The following ZCWPW2 variants were observed in gnomAD, a reference collection of about 807,000 sequenced individuals.
ZCWPW2 encodes zinc finger CW-type PWWP domain protein 2.
Under a neutral mutation model 46.6 loss-of-function variants are expected in ZCWPW2, and 45 were observed. That is an observed-to-expected ratio of 0.96 (90% confidence interval 0.76 to 1.24). The LOEUF (loss-of-function observed/expected upper bound fraction) is 1.24, where lower values mean the gene tolerates loss of function less well. Ranked by LOEUF, ZCWPW2 falls within the 50% of genes most tolerant of loss-of-function variation. ZCWPW2 has a pLI of 0.00. For synonymous variants in ZCWPW2, 152 were observed against 137.1 expected (o/e 1.11, Z -0.76); for missense variants, 429 against 403.9 (o/e 1.06, Z -0.53).
intron 2 of ZCWPW2, among the ~76,000 whole-genome samples, chr3:28,405,583 C>G (rs1240958672): frequency 1.3e-5 from 2 of 152,122 alleles, no homozygotes; most frequent in Non-Finnish European, 2.9e-5. Context: ...TCAAGTGATT[C>G]TCCTGCCTCA....
chr3:28,413,011 C>G, intron 2 of ZCWPW2, 45 bp from the exon 3 acceptor site: 1 of 1,483,916 alleles, frequency 6.7e-7, no homozygotes, highest in Non-Finnish European at 9.1e-7. Flanking sequence ...TCTCCTTATA[C>G]TCTTGAATCC....
At chr3:28,440,945 C>T (rs929260254) in intron 4 of ZCWPW2, among the ~76,000 whole-genome samples, 20 of 152,162 alleles carry the variant, frequency 1.3e-4, no homozygotes, top group Admixed American at 8.5e-4. Context: ...GGTGCCATAT[C>T]GAAGACTCAG....
chr3:28,453,833 T>TTA (rs1165047538), intron 4 of ZCWPW2, among the ~76,000 whole-genome samples: 1 of 143,236 alleles, frequency 7.0e-6, no homozygotes, highest in African/African-American at 2.7e-5. Flanking sequence ...ATTTATTTAT[T>TTA]TTTATTTTTT....
In ZCWPW2 at chr3:28,445,525, A is replaced by G. The variant is rs142198333; in HGVS notation, c.492+10256A>G. Among the ~76,000 whole-genome samples the G allele has an allele frequency of 4.2e-3, 644 of 152,276 alleles. 10 individuals carry two copies. The highest frequency in any genetic ancestry group is 0.015 in the African/African-American group (620 of 41,572). ...TTAGGATGTAATCCTCGTGTTAAAC[A>G]CAAAGAAAACAGCTATAGAATATAT... On this transcript the variant is annotated intron_variant, in intron 4 of 9. Coordinates refer to ENST00000383768, the MANE Select transcript of ZCWPW2 (RefSeq NM_001040432.4).
chr3:28,361,993 C>T (rs1294879124), intron 1 of ZCWPW2, among the ~76,000 whole-genome samples: 1 of 151,810 alleles, frequency 6.6e-6, no homozygotes. Context: ...AGTGGAACTG[C>T]CTTGTAATCC....
In ZCWPW2 at chr3:28,524,585, A is replaced by G. The variant is rs1189071468; in HGVS notation, c.968A>G (p.Glu323Gly). 5.0e-6 allele frequency: 8 copies of G among 1,609,320 alleles called. No individual in the cohort carries two copies. The East Asian group carries it at 1.8e-4, about 36-fold the overall frequency. The part of the protein sequence containing the change: ...AGSLFENHYE[E>G]DYLVIDGIKL... Reference sequence around the variant, plus strand: ...AGTCTGTTTGAAAACCACTATGAAGAGGACTATCTTGTAATTGATGGGATA... The same window carrying G: ...AGTCTGTTTGAAAACCACTATGAAGGGGACTATCTTGTAATTGATGGGATA... The change falls in exon 10 of 10, where the codon GAG (glutamate) becomes GGG (glycine). Residue 323 changes from glutamate (E) to glycine (G), a missense_variant. Coordinates refer to ENST00000383768, the MANE Select transcript of ZCWPW2 (RefSeq NM_001040432.4).
At chr3:28,424,826 A>G (rs1349562355) in intron 3 of ZCWPW2, among the ~76,000 whole-genome samples, 2 of 152,190 alleles carry the variant, frequency 1.3e-5, no homozygotes, top group Admixed American at 6.5e-5. Context: ...ATTAGCTTCC[A>G]TGTGATAATT....
At position 28,525,927 on chromosome 3, in the gene ZCWPW2, T is replaced by C. The variant is rs940760813; in HGVS notation, c.*1239T>C. On this transcript the variant is annotated 3_prime_UTR_variant, in exon 10 of 10. Coordinates refer to ENST00000383768, the MANE Select transcript of ZCWPW2 (RefSeq NM_001040432.4). ...CTGGGTTCATATTTTACATACTAGC[T>C]TGTCTTAAGTCATATAACCAGTAAA... 2.0e-5 allele frequency among the ~76,000 whole-genome samples: 3 copies of C among 152,168 alleles called. No individual in the cohort carries two copies. The highest frequency in any genetic ancestry group is 7.2e-5 in the African/African-American group (3 of 41,446).
At chr3:28,485,435 G>T (rs1446512607) in intron 5 of ZCWPW2, among the ~76,000 whole-genome samples, 2 of 152,144 alleles carry the variant, frequency 1.3e-5, no homozygotes, top group African/African-American at 4.8e-5. Flanking sequence ...TGGTGCTTTT[G>T]AGTGCAACTG....
At chr3:28,440,907 AG>A (rs1697727629) in intron 4 of ZCWPW2, among the ~76,000 whole-genome samples, 1 of 152,186 alleles carries the variant, frequency 6.6e-6, no homozygotes, top group African/African-American at 2.4e-5. Flanking sequence ...ACTAGCTACC[AG>A]GTAGCTGGCT....
At chr3:28,361,081 G>C (rs1448374569) in intron 1 of ZCWPW2, among the ~76,000 whole-genome samples, 1 of 151,968 alleles carries the variant, frequency 6.6e-6, no homozygotes, top group Non-Finnish European at 1.5e-5. Context: ...TGTATATACA[G>C]ATATTCTAAA....
At chr3:28,374,330 A>T (rs1484392707) in intron 1 of ZCWPW2, among the ~76,000 whole-genome samples, 2 of 152,042 alleles carry the variant, frequency 1.3e-5, no homozygotes, top group African/African-American at 4.8e-5. Context: ...TGTGTTCTCT[A>T]TTCTGTTTAA....
chr3:28,350,896 A>G (rs912129623), intron 1 of ZCWPW2, among the ~76,000 whole-genome samples: 1 of 151,854 alleles, frequency 6.6e-6, no homozygotes, highest in Non-Finnish European at 1.5e-5. Context: ...ATCTTAACTG[A>G]TAGCCAACTA....
intron 6 of ZCWPW2, among the ~76,000 whole-genome samples, chr3:28,500,543 C>T (rs984016265): frequency 4.6e-5 from 7 of 151,918 alleles, no homozygotes; most frequent in African/African-American, 1.4e-4. Context: ...AATTAAGGAC[C>T]ATTTTCTTGA....
chr3:28,432,098 CAT>C (rs1232024724), intron 3 of ZCWPW2, among the ~76,000 whole-genome samples: 3 of 152,180 alleles, frequency 2.0e-5, no homozygotes, highest in Admixed American at 1.3e-4. Context: ...CCTCCTACAA[CAT>C]GTGGGGATTA....
At chr3:28,393,588 A>T (rs932077748) in intron 2 of ZCWPW2, among the ~76,000 whole-genome samples, 1 of 152,144 alleles carries the variant, frequency 6.6e-6, no homozygotes, top group Non-Finnish European at 1.5e-5. Flanking sequence ...AGGATCATAC[A>T]CTATGATCAA....
intron 6 of ZCWPW2, among the ~76,000 whole-genome samples, chr3:28,504,955 G>T (rs1039336209): frequency 1.3e-4 from 19 of 151,934 alleles, no homozygotes; most frequent in African/African-American, 4.4e-4. Flanking sequence ...GTCTATCTCT[G>T]GTATATATAG....
At chr3:28,497,212 TCTTA>T (rs992658294) in intron 6 of ZCWPW2, among the ~76,000 whole-genome samples, 1 of 151,058 alleles carries the variant, frequency 6.6e-6, no homozygotes, top group Non-Finnish European at 1.5e-5. Flanking sequence ...ATGCCTGTTT[TCTTA>T]CTTGTGAACC....
chr3:28,409,953 A>G (rs1411500893), intron 2 of ZCWPW2, among the ~76,000 whole-genome samples: 1 of 152,124 alleles, frequency 6.6e-6, no homozygotes, highest in Non-Finnish European at 1.5e-5. Flanking sequence ...GGAGGCAGAG[A>G]TAAGGAAACC....
Sources: allele counts gnomAD v4.1 joint callset (sites outside exome capture counted in the v4.1 genomes callset), GRCh38; gene constraint gnomAD v4.1.1; transcripts MANE v1.5; gene names NCBI Gene and HGNC (gene_info 2026-07-23, HGNC 2026-07-21).